The following TEK variants were observed in gnomAD, a reference collection of about 807,000 sequenced individuals.
TEK encodes the protein TEK receptor tyrosine kinase.
TEK carries 43 observed loss-of-function variants against 131.8 expected under a neutral mutation model. The ratio of observed to expected loss-of-function variants is 0.33; its 90% CI spans 0.26 to 0.42. The LOEUF is 0.42. TEK is among the 10% of genes least tolerant of loss of function. The probability of loss-of-function intolerance (pLI) is 1.00; values close to 1 mark genes in which losing one functional copy is unlikely to be tolerated. For missense variants in TEK, 1,162 were observed against 1,384.4 expected (o/e 0.84, Z 2.55); for synonymous variants, 580 against 491.6 (o/e 1.18, Z -2.38).
rs1645686786 is a variant in TEK at position 27,209,179 on chromosome 9, A to G, written c.2634A>G (p.Lys878=). 6.2e-7 allele frequency: 1 copy of G among 1,614,094 alleles called. No homozygotes were observed. The highest frequency in any genetic ancestry group is 8.5e-7 in the Non-Finnish European group (1 of 1,179,970). The change falls in exon 16 of 23, where the codon AAA becomes AAG. Residue 878 remains lysine (K), a synonymous_variant. Coordinates refer to ENST00000380036, the MANE Select transcript of TEK (RefSeq NM_000459.5). Reference sequence around the variant, plus strand: ...CAGGAGAACTGGAAGTTCTTTGTAAACTTGGACACCATCCAAACATCATCA... The same window carrying G: ...CAGGAGAACTGGAAGTTCTTTGTAAGCTTGGACACCATCCAAACATCATCA... The part of the protein sequence containing the change: ...DFAGELEVLC[K]LGHHPNIINL...
intron 1 of TEK, among the ~76,000 whole-genome samples, chr9:27,123,306 G>T (rs1821869156): frequency 6.6e-6 from 1 of 152,026 alleles, no homozygotes; most frequent in South Asian, 2.1e-4. Flanking sequence ...TGCTGAAAGG[G>T]GTTAGGTCCT....
chr9:27,123,933 C>T (rs1821893116), intron 1 of TEK, among the ~76,000 whole-genome samples: 1 of 152,230 alleles, frequency 6.6e-6, no homozygotes, highest in Non-Finnish European at 1.5e-5. Flanking sequence ...CACACCACCA[C>T]ACCCGGCTAA....
intron 12 of TEK, 70 bp downstream of exon 12, chr9:27,197,669 A>G (rs2131197655): frequency 1.3e-6 from 2 of 1,587,584 alleles, no homozygotes; most frequent in South Asian, 1.1e-5. Context: ...CTTAGCTAAC[A>G]TCACTGCAGG....
At chr9:27,163,663 C>A (rs1399750635) in intron 2 of TEK, among the ~76,000 whole-genome samples, 1 of 152,164 alleles carries the variant, frequency 6.6e-6, no homozygotes, top group Admixed American at 6.5e-5. Flanking sequence ...TCAACTTCCA[C>A]ATTTATTCAC....
At chr9:27,181,130 G>A (rs651345) in intron 7 of TEK, among the ~76,000 whole-genome samples, 114,273 of 152,028 alleles carry the variant, frequency 0.75, 43,350 homozygotes, top group African/African-American at 0.83. Flanking sequence ...GACCCTTCTC[G>A]CAGTAGAAAA....
chr9:27,155,528 C>G (rs534955521), intron 1 of TEK, among the ~76,000 whole-genome samples: 1 of 152,064 alleles, frequency 6.6e-6, no homozygotes, highest in Admixed American at 6.5e-5. Flanking sequence ...TTAATTTGTA[C>G]CAAGATTATC....
Position 27,166,744 on chromosome 9 carries a change from C to T in TEK, c.365-1751C>T, listed in dbSNP as rs1383203320. Among the ~76,000 whole-genome samples, 3 of 152,104 alleles carry T rather than the reference C, an allele frequency of 2.0e-5. No homozygotes were observed. In the East Asian group the frequency reaches 5.8e-4, roughly 29 times the overall value. On this transcript the variant is annotated intron_variant, in intron 2 of 22. Coordinates refer to ENST00000380036, the MANE Select transcript of TEK (RefSeq NM_000459.5). ...AATGTATACTTCATGAAAGAGCACA[C>T]AGTTTTATGTGTGTGTGTGTTTTAG... is the stretch of plus-strand genomic sequence containing the variant.
At chr9:27,208,998 T>C (rs1825503505) in intron 15 of TEK, 123 bp from the exon 16 acceptor site, 1 of 717,516 alleles carries the variant, frequency 1.4e-6, no homozygotes. Flanking sequence ...TAGAGTAATC[T>C]CTTTGGTTGT....
intron 4 of TEK, among the ~76,000 whole-genome samples, chr9:27,171,327 A>G (rs1433362531): frequency 6.6e-6 from 1 of 152,146 alleles, no homozygotes; most frequent in East Asian, 1.9e-4. Context: ...TGCCATCTCC[A>G]ATTCATTTGC....
At chr9:27,178,429 C>T (rs576060007) in intron 6 of TEK, among the ~76,000 whole-genome samples, 1 of 152,108 alleles carries the variant, frequency 6.6e-6, no homozygotes, top group South Asian at 2.1e-4. Context: ...CTCAATATTG[C>T]TTTGGCTATT....
intron 1 of TEK, among the ~76,000 whole-genome samples, chr9:27,155,411 C>G (rs976155633): frequency 6.6e-6 from 1 of 152,182 alleles, no homozygotes; most frequent in Non-Finnish European, 1.5e-5. Context: ...GATTTTCTCC[C>G]TCAATCTCAT....
In TEK at chr9:27,109,300, T is replaced by G; in HGVS notation, c.-291T>G. The G allele has an allele frequency of 1.9e-6, 1 of 538,850 alleles. No individual in the cohort carries two copies. Among genetic ancestry groups the G allele is most frequent in the Non-Finnish European group, 3.2e-6 (1 of 309,024 alleles). 33.4% of individuals were successfully genotyped at this position (538,850 alleles called of 1,614,324 possible). A position where few individuals can be genotyped will look rare whatever the true frequency, so the allele number is the denominator to read the frequency against. ...ATAAGTGTTTTGATGAATTGCGAGA[T>G]GGATAGGGCTTGAGTGCCCCCAGCC... On this transcript the variant is annotated 5_prime_UTR_variant, in exon 1 of 23. It removes an upstream start codon present in the reference 5' UTR. Coordinates refer to ENST00000380036, the MANE Select transcript of TEK (RefSeq NM_000459.5).
chr9:27,202,185 G>A (rs932825959), intron 12 of TEK, among the ~76,000 whole-genome samples: 3 of 152,158 alleles, frequency 2.0e-5, no homozygotes, highest in Non-Finnish European at 4.4e-5. Flanking sequence ...TGAATGGAAT[G>A]TGATTCCACT....
intron 9 of TEK, among the ~76,000 whole-genome samples, chr9:27,187,070 T>C (rs1304270517): frequency 2.0e-5 from 3 of 152,190 alleles, no homozygotes; most frequent in Non-Finnish European, 4.4e-5. Context: ...ATTACCCTAC[T>C]TTTAAGCTTC....
intron 8 of TEK, 26 bp from the exon 9 acceptor site, chr9:27,185,459 T>C: frequency 6.2e-7 from 1 of 1,613,486 alleles, no homozygotes; most frequent in East Asian, 2.2e-5. Context: ...TAGAAGTTTT[T>C]ATTTTTTTGT....
chr9:27,153,814 C>T (rs1823222066), intron 1 of TEK, among the ~76,000 whole-genome samples: 1 of 152,228 alleles, frequency 6.6e-6, no homozygotes, highest in Non-Finnish European at 1.5e-5. Context: ...CAGTGGCAGC[C>T]ATGCCTTTCA....
chr9:27,135,834 G>A (rs1037104525), intron 1 of TEK, among the ~76,000 whole-genome samples: 8 of 152,104 alleles, frequency 5.3e-5, no homozygotes, highest in Non-Finnish European at 1.0e-4. Context: ...CAGAGAGGAC[G>A]CCTTTAAAAC....
intron 7 of TEK, among the ~76,000 whole-genome samples, chr9:27,182,099 T>C (rs569472096): frequency 6.6e-6 from 1 of 152,324 alleles, no homozygotes; most frequent in Admixed American, 6.5e-5. Context: ...GGGGATTGTA[T>C]TGAACGTGGG....
chr9:27,225,795 C>A (rs1364461468), intron 21 of TEK, among the ~76,000 whole-genome samples: 1 of 152,140 alleles, frequency 6.6e-6, no homozygotes, highest in Non-Finnish European at 1.5e-5. Context: ...TCAGAGTGAA[C>A]AGGCAACCTA....
Sources: allele counts gnomAD v4.1 joint callset (sites outside exome capture counted in the v4.1 genomes callset), GRCh38; gene constraint gnomAD v4.1.1; transcripts MANE v1.5; gene names NCBI Gene and HGNC (gene_info 2026-07-23, HGNC 2026-07-21).